MTHFD1: variants seen among roughly 807,000 people sequenced by gnomAD.
The protein encoded by MTHFD1 is methylenetetrahydrofolate dehydrogenase, cyclohydrolase and formyltetrahydrofolate synthetase 1.
MTHFD1 carries 44 observed loss-of-function variants against 110.3 expected under a neutral mutation model. The ratio of observed to expected loss-of-function variants is 0.40; its 90% confidence interval spans 0.31 to 0.51. The LOEUF (loss-of-function observed/expected upper bound fraction) is 0.51, where lower values mean the gene tolerates loss of function less well. Among genes scored for constraint, MTHFD1 ranks in the 20% least tolerant of loss-of-function variants. MTHFD1 has a pLI of 0.60. For synonymous variants in MTHFD1, 402 were observed against 428.8 expected (o/e 0.94, Z 0.77); for missense variants, 909 against 1,173.1 (o/e 0.77, Z 3.29).
intron 2 of MTHFD1, 42 bp downstream of exon 2, chr14:64,400,919 A>G: frequency 3.6e-6 from 5 of 1,392,024 alleles, no homozygotes; most frequent in South Asian, 1.2e-5. Context: ...TCTTTGCTTG[A>G]TTTCTCAGTA....
At chr14:64,425,412 C>T (rs1037450096) in intron 9 of MTHFD1, among the ~76,000 whole-genome samples, 5 of 152,038 alleles carry the variant, frequency 3.3e-5, no homozygotes, top group African/African-American at 9.6e-5. Context: ...GGTTTCTCCA[C>T]GTTGGTTAGG....
At chr14:64,411,515 T>C (rs1028780739) in intron 3 of MTHFD1, among the ~76,000 whole-genome samples, 1 of 152,246 alleles carries the variant, frequency 6.6e-6, no homozygotes, top group Non-Finnish European at 1.5e-5. Context: ...GGGTGGGTTA[T>C]TGAAAAGTAC....
intron 27 of MTHFD1, chr14:64,458,761 C>A: frequency 4.9e-6 from 1 of 206,182 alleles, no homozygotes; most frequent in East Asian, 1.2e-4. Context: ...GGAAACAGGA[C>A]CAATCTGGCA....
At position 64,400,830 on chromosome 14, in the gene MTHFD1, T is replaced by G; in HGVS notation, c.79T>G (p.Leu27Val). The change falls in exon 2 of 28, where the codon TTG becomes GTG. Residue 27 changes from leucine (L) to valine (V), a missense_variant. Around this residue, in one of 3 missense-constraint regions of MTHFD1, gnomAD observed 424 missense variants for 510.4 expected, o/e 0.83. Coordinates refer to ENST00000652337, the MANE Select transcript of MTHFD1 (RefSeq NM_005956.4). Reference protein sequence around the residue: ...RARLKNQVTQLKEQVPGFTPR... With the variant: ...RARLKNQVTQVKEQVPGFTPR... The stretch of plus-strand genomic sequence containing the variant: ...GAGACTGAAAAATCAAGTCACTCAG[T>G]TGAAGGAGCAAGTACCTGGTTTCAC... The G allele has an allele frequency of 6.2e-7, 1 of 1,613,974 alleles. No individual in the cohort carries two copies. The highest frequency in any genetic ancestry group is 8.5e-7 in the Non-Finnish European group (1 of 1,179,890).
At chr14:64,404,886 G>A (rs1244412190) in intron 2 of MTHFD1, among the ~76,000 whole-genome samples, 2 of 152,100 alleles carry the variant, frequency 1.3e-5, no homozygotes, top group South Asian at 4.2e-4. Flanking sequence ...CAGGAGAATC[G>A]CTTGAACCTG....
intron 2 of MTHFD1, among the ~76,000 whole-genome samples, chr14:64,410,446 G>A (rs2077974622): frequency 6.6e-6 from 1 of 151,600 alleles, no homozygotes; most frequent in African/African-American, 2.4e-5. Context: ...GGCTGGTCTC[G>A]AACTCCTGGG....
chr14:64,456,971 C>T (rs61241503), intron 26 of MTHFD1, among the ~76,000 whole-genome samples: 5 of 152,222 alleles, frequency 3.3e-5, no homozygotes, highest in South Asian at 2.1e-4. Flanking sequence ...TAAAAATATA[C>T]GGAGTTTTCA....
At position 64,452,375 on chromosome 14, in the gene MTHFD1, T is replaced by C. The variant is rs115777855; in HGVS notation, c.2458-1379T>C. ...AGATATATTGCCTAATTTTTGTAATTTGCTCATCCAAATTACCCATGAGTA... is the reference window on the plus strand; with the variant it reads ...AGATATATTGCCTAATTTTTGTAATCTGCTCATCCAAATTACCCATGAGTA... On this transcript the variant is annotated intron_variant, in intron 24 of 27. Coordinates refer to ENST00000652337, the MANE Select transcript of MTHFD1 (RefSeq NM_005956.4). Among the ~76,000 whole-genome samples, 1,055 of 152,374 alleles carry C rather than the reference T, an allele frequency of 6.9e-3. 9 individuals carry two copies. Among genetic ancestry groups the C allele is most frequent in the African/African-American group, 0.024 (1,004 of 41,582 alleles).
At chr14:64,412,763 G>A (rs575578298) in intron 4 of MTHFD1, among the ~76,000 whole-genome samples, 9 of 149,132 alleles carry the variant, frequency 6.0e-5, no homozygotes, top group East Asian at 4.0e-4. Flanking sequence ...TCAGCCTCCC[G>A]AGTAGCTGGG....
rs376379853 is a variant in MTHFD1 at position 64,426,053 on chromosome 14, C to G, written c.988C>G (p.Pro330Ala). 5 of 1,613,554 alleles carry G rather than the reference C, an allele frequency of 3.1e-6. No individual in the cohort carries two copies. In the African/African-American group the frequency reaches 5.3e-5, roughly 17 times the overall value. ...IDISRSCKPK[P>A]IGKLAREIGL... ...TATATCACGATCTTGTAAACCGAAGCCCATTGGTAAGCTGGCTCGAGAAAT... is the reference window on the plus strand; with the variant it reads ...TATATCACGATCTTGTAAACCGAAGGCCATTGGTAAGCTGGCTCGAGAAAT... Residue 330 changes from proline to alanine, a missense_variant, in exon 11 of 28, where the codon CCC becomes GCC. Transcript: ENST00000652337.
In MTHFD1 at chr14:64,400,648, A is replaced by T. The variant is rs1440969498; in HGVS notation, c.42-145A>T. 5.9e-6 allele frequency: 4 copies of T among 673,582 alleles called. No homozygotes were observed. In the African/African-American group the frequency reaches 7.1e-5, roughly 12 times the overall value. The allele number at this position is 673,582 out of a possible 1,614,324, so 41.7% of individuals were successfully genotyped here. ...GGCTGCAGTGAGCTTTGATTGTGCCACTGTACTCCCAGCCTGGGTGACAGA... is the reference window on the plus strand; with the variant it reads ...GGCTGCAGTGAGCTTTGATTGTGCCTCTGTACTCCCAGCCTGGGTGACAGA... On this transcript the variant is annotated intron_variant, in intron 1 of 27. Transcript: ENST00000652337.
In MTHFD1 at chr14:64,454,718, C is replaced by T; in HGVS notation, c.2566-5C>T. The T allele has an allele frequency of 6.2e-7, 1 of 1,612,826 alleles. No individual in the cohort carries two copies. Among genetic ancestry groups the T allele is most frequent in the East Asian group, 2.2e-5 (1 of 44,864 alleles). On this transcript the variant is annotated splice_region_variant and splice_polypyrimidine_tract_variant and intron_variant, in intron 25 of 27. Coordinates refer to ENST00000652337, the MANE Select transcript of MTHFD1 (RefSeq NM_005956.4). ...TGTCCTCCCTCTCTTCCCTTCTTTC[C>T]CCAGGGCTTTGGGAATCTCCCCATC...
intron 19 of MTHFD1, chr14:64,441,711 C>CAGA (rs1255722198): frequency 5.9e-5 from 32 of 545,178 alleles, no homozygotes; most frequent in Non-Finnish European, 6.9e-5. Context: ...AAGGTTGAGG[C>CAGA]AGAATGGCGT....
chr14:64,392,337 A>G (rs2077813236), intron 1 of MTHFD1, among the ~76,000 whole-genome samples: 1 of 152,184 alleles, frequency 6.6e-6, no homozygotes, highest in Admixed American at 6.5e-5. Flanking sequence ...GATGTGCATT[A>G]GTGTTGGAAG....
chr14:64,398,451 G>GT (rs2077873798), intron 1 of MTHFD1, among the ~76,000 whole-genome samples: 1 of 152,214 alleles, frequency 6.6e-6, no homozygotes, highest in Admixed American at 6.5e-5. Context: ...GGAGGCTGAA[G>GT]TGGGAGGATG....
chr14:64,423,841 C>T (rs1470169831), intron 8 of MTHFD1, among the ~76,000 whole-genome samples: 3 of 151,980 alleles, frequency 2.0e-5, no homozygotes, highest in Non-Finnish European at 2.9e-5. Flanking sequence ...ATTCTCCTGC[C>T]TCAGCCTCCC....
At position 64,426,079 on chromosome 14, in the gene MTHFD1, T is replaced by C. The variant is rs1196704220; in HGVS notation, c.1014T>C (p.Ile338=). 1.2e-6 allele frequency: 2 copies of C among 1,613,910 alleles called. No individual in the cohort carries two copies. The highest frequency in any genetic ancestry group is 8.5e-7 in the Non-Finnish European group (1 of 1,180,032). ...CCATTGGTAAGCTGGCTCGAGAAAT[T>C]GGTCTGCTGTCTGAAGAGGTAGAAT... The part of the protein sequence containing the change: ...PKPIGKLARE[I]GLLSEEVELY... The change falls in exon 11 of 28, where the codon ATT becomes ATC. Residue 338 remains isoleucine, a synonymous_variant. Transcript: ENST00000652337.
intron 26 of MTHFD1, chr14:64,455,240 C>G (rs766452499): frequency 6.9e-6 from 2 of 291,708 alleles, no homozygotes; most frequent in Middle Eastern, 2.4e-3. Context: ...TTAACTCAGT[C>G]CCCCCACAGC....
chr14:64,432,696 G>A lies in MTHFD1; in HGVS notation c.1494+835G>A, dbSNP rs561332548. Among the ~76,000 whole-genome samples the A allele has an allele frequency of 1.7e-3, 261 of 152,312 alleles. 1 individual carries two copies. The highest frequency in any genetic ancestry group is 3.1e-3 in the Non-Finnish European group (214 of 68,020). On this transcript the variant is annotated intron_variant, in intron 15 of 27. Coordinates refer to ENST00000652337, the MANE Select transcript of MTHFD1 (RefSeq NM_005956.4). ...GGGAACAGATCAATAGATGTTAAGG[G>A]TATGGATGAAGGGAGGGTATGACCA... is the stretch of plus-strand genomic sequence containing the variant.
Sources: allele counts gnomAD v4.1 joint callset (sites outside exome capture counted in the v4.1 genomes callset), GRCh38; gene constraint gnomAD v4.1.1; regional missense constraint gnomAD v4.1.1; transcripts MANE v1.5; gene names NCBI Gene and HGNC (gene_info 2026-07-23, HGNC 2026-07-21).